DNAI3: variants seen among roughly 807,000 people sequenced by gnomAD.
DNAI3 encodes the protein WD repeat domain 63.
A neutral mutation model predicts 115.5 loss-of-function variants in DNAI3; 83 were observed. The observed-to-expected ratio is 0.72, with a 90% confidence interval of 0.60 to 0.86. DNAI3 has a LOEUF of 0.86. DNAI3 is among the 40% of genes least tolerant of loss of function. The probability of loss-of-function intolerance (pLI) is 0.00; values close to 1 mark genes in which losing one functional copy is unlikely to be tolerated. For synonymous variants in DNAI3, 320 were observed against 347.0 expected (o/e 0.92, Z 0.86); for missense variants, 1,004 against 1,075.8 (o/e 0.93, Z 0.93).
At chr1:85,122,000 T>TCTTAGA (rs1362100814) in intron 18 of DNAI3, among the ~76,000 whole-genome samples, 186 bp downstream of exon 18, 3 of 152,116 alleles carry the variant, frequency 2.0e-5, no homozygotes, top group Admixed American at 6.5e-5. Flanking sequence ...TTGCTGAAAA[T>TCTTAGA]ACACATAAAA....
At chr1:85,121,876 G>T in intron 18 of DNAI3, 62 bp downstream of exon 18, 2 of 1,566,558 alleles carry the variant, frequency 1.3e-6, no homozygotes, top group South Asian at 1.1e-5. Flanking sequence ...CTACCCAAAG[G>T]AATCTCATGC....
chr1:85,112,639 G>T (rs1325108810), intron 16 of DNAI3, among the ~76,000 whole-genome samples: 2 of 152,188 alleles, frequency 1.3e-5, no homozygotes, highest in African/African-American at 4.8e-5. Context: ...AAAATATACA[G>T]TCGGATCTCA....
At chr1:85,127,128 A>C (rs1335443072) in intron 20 of DNAI3, among the ~76,000 whole-genome samples, 2 of 152,000 alleles carry the variant, frequency 1.3e-5, no homozygotes, top group Non-Finnish European at 2.9e-5. Context: ...TGTTTCTTTA[A>C]TTTTCATTAC....
Position 85,079,837 on chromosome 1 carries a change from A to G in DNAI3, c.104-1397A>G, listed in dbSNP as rs74325145. ...GAACCTCTCCTCTCTCCTGAGAGCAATACTGGGACTGGCAGCCAGATGGGA... is the reference window on the plus strand; with the variant it reads ...GAACCTCTCCTCTCTCCTGAGAGCAGTACTGGGACTGGCAGCCAGATGGGA... On this transcript the variant is annotated intron_variant, in intron 3 of 22. Coordinates refer to ENST00000294664, the MANE Select transcript of DNAI3 (RefSeq NM_145172.5). Among the ~76,000 whole-genome samples, 317 of 152,146 alleles carry G rather than the reference A, an allele frequency of 2.1e-3. 9 individuals carry two copies. In the East Asian group the frequency reaches 0.05, roughly 24 times the overall value.
At position 85,096,060 on chromosome 1, in the gene DNAI3, A is replaced by G. The variant is rs45459396; in HGVS notation, c.1263+40A>G. ...TTTTTTCAGCTATGTATTAATGTAG[A>G]CAACCTTTGGTAATAAGTTTTGACT... On this transcript the variant is annotated intron_variant, in intron 11 of 22. Transcript: ENST00000294664. 8,358 of 1,579,744 alleles carry G rather than the reference A, an allele frequency of 5.3e-3. 34 individuals are homozygous for G. The highest frequency in any genetic ancestry group is 6.5e-3 in the Non-Finnish European group (7,446 of 1,150,530).
At chr1:85,092,492 T>A (rs1020764747) in intron 8 of DNAI3, among the ~76,000 whole-genome samples, 12 of 152,192 alleles carry the variant, frequency 7.9e-5, no homozygotes, top group Middle Eastern at 6.8e-3. Flanking sequence ...GGGTAAAACC[T>A]TGGGTGGCAT....
Position 85,085,814 on chromosome 1 carries a change from G to C in DNAI3, c.541-17G>C. The C allele has an allele frequency of 1.9e-6, 3 of 1,610,432 alleles. No individual in the cohort carries two copies. Among genetic ancestry groups the C allele is most frequent in the Non-Finnish European group, 2.5e-6 (3 of 1,177,532 alleles). On this transcript the variant is annotated splice_polypyrimidine_tract_variant and intron_variant, in intron 6 of 22. Coordinates refer to ENST00000294664, the MANE Select transcript of DNAI3 (RefSeq NM_145172.5). ...GGGACTTCATTATGTTACCTTTACT[G>C]TTTACATGTGTTACAGATTACATAT...
In DNAI3 at chr1:85,126,670, A is replaced by G. The variant is rs149344322; in HGVS notation, c.2272A>G (p.Ile758Val). 1.2e-6 allele frequency: 2 copies of G among 1,614,034 alleles called. No individual in the cohort carries two copies. The highest frequency in any genetic ancestry group is 1.3e-5 in the African/African-American group (1 of 74,926). The change falls in exon 20 of 23, where the codon ATT becomes GTT. Residue 758 changes from isoleucine to valine, a missense_variant. Coordinates refer to ENST00000294664, the MANE Select transcript of DNAI3 (RefSeq NM_145172.5). The part of the protein sequence containing the change: ...KTHEPAQSQN[I>V]CITMITYIKP... ...CCATGAACCAGCCCAGTCTCAAAAC[A>G]TTTGCATAACTATGATCACCTACAT...
In DNAI3 at chr1:85,085,980, T is replaced by A; in HGVS notation, c.690T>A (p.Val230=). 1 of 1,614,172 alleles carries A rather than the reference T, an allele frequency of 6.2e-7. No homozygotes were observed. Among genetic ancestry groups the A allele is most frequent in the Non-Finnish European group, 8.5e-7 (1 of 1,180,018 alleles). ...NFTLKQLEKD[V]GMQVIPQIKD... is the part of the protein sequence containing the mutation. ...CCCTTAAACAACTTGAAAAAGATGT[T>A]GGCATGCAAGTAATCCCCCAAATAA... Residue 230 remains valine (V), a synonymous_variant, in exon 7 of 23, where the codon GTT becomes GTA. Coordinates refer to ENST00000294664, the MANE Select transcript of DNAI3 (RefSeq NM_145172.5).
chr1:85,063,945 T>C (rs6576745), intron 1 of DNAI3, among the ~76,000 whole-genome samples: 131,398 of 152,124 alleles, frequency 0.86, 56,936 homozygotes, highest in South Asian at 0.92. Flanking sequence ...ACTTTGTTAG[T>C]AACTCTTTTC....
chr1:85,107,923 A>C, intron 14 of DNAI3, 110 bp from the exon 15 acceptor site: 1 of 755,318 alleles, frequency 1.3e-6, no homozygotes, highest in Non-Finnish European at 1.9e-6. Flanking sequence ...TTTCAGATAC[A>C]TTAAAATATA....
chr1:85,124,642 C>T (rs903685031), intron 19 of DNAI3, among the ~76,000 whole-genome samples: 2 of 152,132 alleles, frequency 1.3e-5, no homozygotes, highest in Admixed American at 1.3e-4. Flanking sequence ...TTGATTCTCC[C>T]ATCTCAGCCT....
chr1:85,117,116 C>T (rs1013117202), intron 16 of DNAI3, among the ~76,000 whole-genome samples: 5 of 151,822 alleles, frequency 3.3e-5, no homozygotes, highest in African/African-American at 1.2e-4. Context: ...TATTTCTCTA[C>T]CATCTTTCCC....
Position 85,090,147 on chromosome 1 carries a change from T to G in DNAI3, c.772T>G (p.Tyr258Asp). ...TCCTAAAAATGCTACTACGCAATAT[T>G]ATCCAAGAGAATTCTCAGAAGAGGA... Reference protein sequence around the residue: ...TYPKNATTQYYPREFSEEEKE... With the variant: ...TYPKNATTQYDPREFSEEEKE... The change falls in exon 8 of 23, where the codon TAT becomes GAT. Residue 258 changes from tyrosine to aspartate, a missense_variant. This residue lies in a region of DNAI3 where 550 missense variants were observed against 568.1 expected (regional missense o/e 0.97). Transcript: ENST00000294664. 6.3e-7 allele frequency: 1 copy of G among 1,584,012 alleles called. No individual in the cohort carries two copies. The highest frequency in any genetic ancestry group is 8.6e-7 in the Non-Finnish European group (1 of 1,168,388).
chr1:85,111,088 G>A (rs561743542), intron 16 of DNAI3, among the ~76,000 whole-genome samples: 2 of 152,214 alleles, frequency 1.3e-5, no homozygotes, highest in Admixed American at 6.5e-5. Flanking sequence ...CCAAACATTC[G>A]CCTTATCAAA....
intron 8 of DNAI3, among the ~76,000 whole-genome samples, chr1:85,092,893 A>G (rs183414448): frequency 6.6e-6 from 1 of 152,066 alleles, no homozygotes; most frequent in Admixed American, 6.6e-5. Context: ...TTTGAATTAC[A>G]TATGTATTGG....
In DNAI3 at chr1:85,126,714, T is replaced by G; in HGVS notation, c.2316T>G (p.Ser772=). Residue 772 remains serine (S), a splice_region_variant and synonymous_variant, in exon 20 of 23, where the codon TCT becomes TCG. Coordinates refer to ENST00000294664, the MANE Select transcript of DNAI3 (RefSeq NM_145172.5). The part of the protein sequence containing the change: ...MITYIKPWIF[S]SKQQFIATAD... ...CCTACATCAAACCCTGGATCTTTTCTTGTATGTTAATTCTAACTAAATAAG... is the reference window on the plus strand; with the variant it reads ...CCTACATCAAACCCTGGATCTTTTCGTGTATGTTAATTCTAACTAAATAAG... 6.2e-7 allele frequency: 1 copy of G among 1,614,146 alleles called. No individual in the cohort carries two copies. The highest frequency in any genetic ancestry group is 1.1e-5 in the South Asian group (1 of 91,078).
intron 3 of DNAI3, among the ~76,000 whole-genome samples, chr1:85,080,486 G>A (rs1362738793): frequency 2.6e-5 from 4 of 152,206 alleles, no homozygotes; most frequent in Non-Finnish European, 5.9e-5. Context: ...AGGGCAGAAA[G>A]GTGGTGCCCA....
Position 85,124,178 on chromosome 1 carries a change from G to C in DNAI3, c.2039G>C (p.Arg680Thr). 6.2e-7 allele frequency: 1 copy of C among 1,614,218 alleles called. No homozygotes were observed. The highest frequency in any genetic ancestry group is 1.1e-5 in the South Asian group (1 of 91,090). Residue 680 changes from arginine to threonine, a missense_variant, in exon 19 of 23, where the codon AGA becomes ACA. Physicochemically the swap from Arg to Thr is moderately conservative, Grantham distance 71. This residue lies in a region of DNAI3 where 429 missense variants were observed against 454.3 expected (regional missense o/e 0.94). Transcript: ENST00000294664. ...IHDGTVHTIQ[R>T]SPFYNDIILT... ...GACGGAACTGTCCACACTATTCAGA[G>C]ATCACCTTTCTACAACGACATTATT...
Sources: allele counts gnomAD v4.1 joint callset (sites outside exome capture counted in the v4.1 genomes callset), GRCh38; gene constraint gnomAD v4.1.1; regional missense constraint gnomAD v4.1.1; transcripts MANE v1.5; gene names NCBI Gene and HGNC (gene_info 2026-07-23, HGNC 2026-07-21).